Variants in CSGALNACT1 observed in about 807,000 individuals in gnomAD.
CSGALNACT1 encodes chondroitin sulfate N-acetylgalactosaminyltransferase 1.
A neutral mutation model predicts 51.0 loss-of-function variants in CSGALNACT1; 52 were observed. That is an observed-to-expected ratio of 1.02 (90% CI 0.82 to 1.29). The LOEUF is 1.29. Among genes scored for constraint, CSGALNACT1 ranks in the 50% most tolerant of loss-of-function variants. CSGALNACT1 has a pLI of 0.00. For synonymous variants in CSGALNACT1, 341 were observed against 254.4 expected (o/e 1.34, Z -3.24); for missense variants, 935 against 679.2 (o/e 1.38, Z -4.19).
At chr8:19,538,887 T>G (rs979754198) in intron 3 of CSGALNACT1, among the ~76,000 whole-genome samples, 21 of 152,208 alleles carry the variant, frequency 1.4e-4, no homozygotes, top group African/African-American at 4.8e-4. Flanking sequence ...GCTGAGCTAG[T>G]GTGTGTCCAT....
chr8:19,636,791 G>A (rs557527603), intron 1 of CSGALNACT1, among the ~76,000 whole-genome samples: 6 of 152,220 alleles, frequency 3.9e-5, no homozygotes, highest in African/African-American at 7.2e-5. Context: ...TTTACCTTAT[G>A]TAATACCATT....
At chr8:19,589,237 C>T (rs1299842030) in intron 3 of CSGALNACT1, among the ~76,000 whole-genome samples, 2 of 152,296 alleles carry the variant, frequency 1.3e-5, no homozygotes, top group East Asian at 1.9e-4. Flanking sequence ...CCTCTGAAAA[C>T]GTCAGACTAG....
chr8:19,518,525 CAG>C (rs1036104607), intron 3 of CSGALNACT1, among the ~76,000 whole-genome samples: 1 of 152,208 alleles, frequency 6.6e-6, no homozygotes, highest in African/African-American at 2.4e-5. Flanking sequence ...CTATGTAAAT[CAG>C]AGACTGCCTC....
At chr8:19,523,703 C>T (rs1275662030) in intron 3 of CSGALNACT1, among the ~76,000 whole-genome samples, 1 of 152,182 alleles carries the variant, frequency 6.6e-6, no homozygotes, top group Non-Finnish European at 1.5e-5. Context: ...TAAATGCTTA[C>T]TGCATGGAAG....
rs1387955623 is a variant in CSGALNACT1 at position 19,750,414 on chromosome 8, G to C, written c.-297+7436C>G. Among the ~76,000 whole-genome samples, 3 of 152,186 alleles carry C rather than the reference G, an allele frequency of 2.0e-5. No homozygotes were observed. The East Asian group carries it at 5.8e-4, about 29-fold the overall frequency. On this transcript the variant is annotated intron_variant, in intron 1 of 1. Coordinates refer to the CSGALNACT1 transcript ENST00000517494. ...TATCTCTACCACCACTCTGTCAGTA[G>C]GGGGCAGCGGGGAAGAGGGAAGGGA...
intron 2 of CSGALNACT1, among the ~76,000 whole-genome samples, chr8:19,596,593 GA>G (rs879675049): frequency 1.9e-3 from 257 of 133,054 alleles, no homozygotes; most frequent in African/African-American, 4.6e-3. Flanking sequence ...CAAATTGTAA[GA>G]AAAAAAAAAA....
At chr8:19,549,801 T>C (rs969734742) in intron 3 of CSGALNACT1, among the ~76,000 whole-genome samples, 2 of 151,938 alleles carry the variant, frequency 1.3e-5, no homozygotes, top group African/African-American at 4.8e-5. Context: ...TGGCTGACAG[T>C]TTGACCAGGT....
intron 6 of CSGALNACT1, among the ~76,000 whole-genome samples, chr8:19,425,340 C>G (rs1421342630): frequency 1.3e-5 from 2 of 152,146 alleles, no homozygotes; most frequent in African/African-American, 4.8e-5. Context: ...CATTCCATCT[C>G]AAAAACACAA....
At position 19,676,801 on chromosome 8, in the gene CSGALNACT1, T is replaced by C. The variant is rs142976676; in HGVS notation, c.-544+5672A>G. On this transcript the variant is annotated intron_variant, in intron 1 of 9. Transcript: ENST00000332246. ...ATCAACCCAGACAGGATTGGAAGGA[T>C]CTTTCAGGAAGACAACTGGGAGGCT... Among the ~76,000 whole-genome samples the C allele has an allele frequency of 3.8e-3, 586 of 152,258 alleles. 3 individuals carry two copies. The highest frequency in any genetic ancestry group is 0.013 in the African/African-American group (560 of 41,554).
At chr8:19,482,229 C>T (rs1354490259) in intron 4 of CSGALNACT1, among the ~76,000 whole-genome samples, 3 of 152,190 alleles carry the variant, frequency 2.0e-5, no homozygotes, top group African/African-American at 7.2e-5. Context: ...CAAACGGCTA[C>T]TGTACACTTG....
rs1310705421 is a variant in CSGALNACT1 at position 19,667,084 on chromosome 8, AAAGAAAGAAAGAAAGG to A, written c.-544+15373_-544+15388del. Among the ~76,000 whole-genome samples the A allele has an allele frequency of 4.1e-3, 513 of 126,328 alleles. 93 individuals carry two copies. The highest frequency in any genetic ancestry group is 1.0e-2 in the African/African-American group (338 of 33,876). The allele number at this position is 126,328 out of a possible 152,430, so 82.9% of individuals were successfully genotyped here. On this transcript the variant is annotated intron_variant, in intron 1 of 9. Transcript: ENST00000332246. ...GAAAGAAAGAAAGAAAGAAAGAAAG[AAAGAAAGAAAGAAAGG>A]GAAAGAAATCTCATCACAATATCAA...
chr8:19,617,748 A>AT (rs1033756292), intron 1 of CSGALNACT1, among the ~76,000 whole-genome samples: 27 of 152,194 alleles, frequency 1.8e-4, no homozygotes, highest in African/African-American at 6.5e-4. Flanking sequence ...TAATTTATAT[A>AT]TTTTGACATG....
At chr8:19,756,026 T>C (rs34316857) in intron 1 of CSGALNACT1, among the ~76,000 whole-genome samples, 2,710 of 152,266 alleles carry the variant, frequency 0.018, 41 homozygotes, top group Middle Eastern at 0.031. Context: ...CTTTTATGCC[T>C]AAGGCTTACA....
chr8:19,453,727 C>T (rs2063584505), intron 5 of CSGALNACT1, among the ~76,000 whole-genome samples: 1 of 152,128 alleles, frequency 6.6e-6, no homozygotes, highest in Non-Finnish European at 1.5e-5. Context: ...GCCTGGCGAA[C>T]ATGGTGAAAC....
intron 1 of CSGALNACT1, among the ~76,000 whole-genome samples, chr8:19,704,212 G>A (rs918932316): frequency 1.3e-5 from 2 of 152,078 alleles, no homozygotes; most frequent in Non-Finnish European, 2.9e-5. Flanking sequence ...GGCACTAAAC[G>A]AATGTGCTGC....
chr8:19,666,831 G>GAGAAAGAAAGAA (rs34197786), intron 1 of CSGALNACT1, among the ~76,000 whole-genome samples: 27 of 24,904 alleles, frequency 1.1e-3, no homozygotes, highest in East Asian at 1.5e-3. Flanking sequence ...GAGAGAGAGA[G>GAGAAAGAAAGAA]AGAAAGAAAG....
chr8:19,749,934 G>C (rs1039710423), intron 1 of CSGALNACT1, among the ~76,000 whole-genome samples: 1 of 152,182 alleles, frequency 6.6e-6, no homozygotes, highest in Non-Finnish European at 1.5e-5. Context: ...CACCAATCTG[G>C]AGATGCACCA....
At chr8:19,472,347 G>C (rs1202178728) in intron 4 of CSGALNACT1, among the ~76,000 whole-genome samples, 1 of 152,202 alleles carries the variant, frequency 6.6e-6, no homozygotes, top group Non-Finnish European at 1.5e-5. Flanking sequence ...ACCAAGGAAT[G>C]TGTGACCAAG....
chr8:19,496,788 C>G (rs2075555065), intron 4 of CSGALNACT1, among the ~76,000 whole-genome samples: 1 of 152,148 alleles, frequency 6.6e-6, no homozygotes. Flanking sequence ...AGGCTCAGTG[C>G]AGATGAGTAG....
Sources: allele counts gnomAD v4.1 joint callset (sites outside exome capture counted in the v4.1 genomes callset), GRCh38; gene constraint gnomAD v4.1.1; transcripts MANE v1.5; gene names NCBI Gene and HGNC (gene_info 2026-07-23, HGNC 2026-07-21).